Variants in KIDINS220 observed in about 807,000 individuals in gnomAD.
The protein encoded by KIDINS220 is kinase D interacting substrate 220, also known as kinase D-interacting substrate of 220 kDa.
KIDINS220 carries 63 observed loss-of-function variants against 157.6 expected under a neutral mutation model. That is an observed-to-expected ratio of 0.40 (90% CI 0.33 to 0.49). The LOEUF is 0.49. KIDINS220 is among the 20% of genes least tolerant of loss of function. The probability of loss-of-function intolerance (pLI) is 0.66; values close to 1 mark genes in which losing one functional copy is unlikely to be tolerated. For missense variants in KIDINS220, 1,772 were observed against 2,171.2 expected (o/e 0.82, Z 3.65); for synonymous variants, 732 against 783.6 (o/e 0.93, Z 1.10).
chr2:8,788,205 T>C (rs1439974641), intron 15 of KIDINS220, among the ~76,000 whole-genome samples: 4 of 152,240 alleles, frequency 2.6e-5, no homozygotes, highest in Non-Finnish European at 5.9e-5. Context: ...GGGCATGTTT[T>C]TATTTCTGTA....
At chr2:8,836,696 T>C (rs1472728804) in intron 1 of KIDINS220, among the ~76,000 whole-genome samples, 1 of 150,068 alleles carries the variant, frequency 6.7e-6, no homozygotes, top group Non-Finnish European at 1.5e-5. Context: ...AGATGTCTGG[T>C]CCTCAGTGTT....
intron 26 of KIDINS220, among the ~76,000 whole-genome samples, chr2:8,738,649 A>G (rs1665216654): frequency 6.6e-6 from 1 of 152,248 alleles, no homozygotes; most frequent in Non-Finnish European, 1.5e-5. Context: ...ATAACTAACC[A>G]GTATTCCTTA....
At position 8,750,131 on chromosome 2, in the gene KIDINS220, T is replaced by G. The variant is rs1035641863; in HGVS notation, c.3395A>C (p.Gln1132Pro). ...SSYYSGMTGP[Q>P]HPFYNRPFFA... ...CCTTACCCTGTTGTAGAAGGGATGC[T>G]GAGGGCCCGTCATGCCGCTGTAATA... The change falls in exon 24 of 30, where the codon CAG (glutamine) becomes CCG (proline). Residue 1132 changes from glutamine (Q) to proline (P), a missense_variant. By Grantham distance (76) the Gln-to-Pro change is moderately conservative. Around this residue, in one of 3 missense-constraint regions of KIDINS220, gnomAD observed 793 missense variants for 885.5 expected, o/e 0.90. Coordinates refer to ENST00000256707, the MANE Select transcript of KIDINS220 (RefSeq NM_020738.4). The G allele has an allele frequency of 6.2e-7, 1 of 1,614,006 alleles. No homozygotes were observed. Among genetic ancestry groups the G allele is most frequent in the African/African-American group, 1.3e-5 (1 of 74,922 alleles).
At chr2:8,732,624 A>C (rs1664283624) in intron 29 of KIDINS220, among the ~76,000 whole-genome samples, 1 of 152,256 alleles carries the variant, frequency 6.6e-6, no homozygotes, top group Non-Finnish European at 1.5e-5. Context: ...GAGGAAAAAG[A>C]AGGAGAAGAA....
chr2:8,765,707 T>A (rs187684729), intron 22 of KIDINS220, among the ~76,000 whole-genome samples: 4 of 152,264 alleles, frequency 2.6e-5, no homozygotes, highest in African/African-American at 9.6e-5. Flanking sequence ...TTTTATTATC[T>A]TTAAAAGACA....
intron 7 of KIDINS220, 140 bp downstream of exon 7, chr2:8,806,131 C>G: frequency 1.6e-6 from 1 of 643,632 alleles, no homozygotes. Flanking sequence ...CTTAGAGTAA[C>G]AGGAAATGCT....
chr2:8,725,452 C>G (rs1663222932), downstream of KIDINS220: 1 of 152,166 alleles, frequency 6.6e-6, no homozygotes, highest in Non-Finnish European at 1.5e-5. Context: ...AATTCTACAA[C>G]TACTAAGAAC....
chr2:8,825,457 G>A (rs1309177890), intron 2 of KIDINS220, among the ~76,000 whole-genome samples: 1 of 151,278 alleles, frequency 6.6e-6, no homozygotes, highest in African/African-American at 2.4e-5. Flanking sequence ...CTTAAAAATG[G>A]TTAAGATAGT....
intron 11 of KIDINS220, among the ~76,000 whole-genome samples, chr2:8,795,309 T>C (rs1673755579): frequency 6.6e-6 from 1 of 152,192 alleles, no homozygotes; most frequent in Admixed American, 6.5e-5. Flanking sequence ...TATTTTCCCA[T>C]CTCAATTCCA....
downstream of KIDINS220, chr2:8,723,891 A>C (rs895011684): frequency 6.6e-6 from 1 of 152,228 alleles, no homozygotes; most frequent in Non-Finnish European, 1.5e-5. Context: ...TGCACTTTAA[A>C]ATGATGGAGC....
At chr2:8,777,067 T>G (rs1012950938) in intron 20 of KIDINS220, among the ~76,000 whole-genome samples, 175 bp from the exon 21 acceptor site, 4 of 152,218 alleles carry the variant, frequency 2.6e-5, no homozygotes, top group African/African-American at 9.6e-5. Flanking sequence ...GTAAAGCAAT[T>G]GTAAAGTCAT....
At chr2:8,835,269 T>C (rs1242408964) in intron 1 of KIDINS220, among the ~76,000 whole-genome samples, 1 of 152,196 alleles carries the variant, frequency 6.6e-6, no homozygotes, top group Admixed American at 6.5e-5. Context: ...TGCATAGGTA[T>C]GCTAAAGATA....
At chr2:8,749,585 A>G (rs890990534) in intron 24 of KIDINS220, among the ~76,000 whole-genome samples, 1 of 152,224 alleles carries the variant, frequency 6.6e-6, no homozygotes, top group Non-Finnish European at 1.5e-5. Flanking sequence ...GACTGAAGAT[A>G]ACTTGACATA....
chr2:8,769,754 G>A (rs1055766774), intron 22 of KIDINS220, among the ~76,000 whole-genome samples: 4 of 152,030 alleles, frequency 2.6e-5, no homozygotes, highest in East Asian at 1.9e-4. Flanking sequence ...AGAGAAAAAC[G>A]AATCATGCAT....
rs1664093812 is a variant in KIDINS220, at chr2:8,731,535, T to C, written c.4501A>G (p.Ser1501Gly). Residue 1501 changes from serine to glycine, a missense_variant, in exon 30 of 30, where the codon AGC becomes GGC. Around this residue, in one of 3 missense-constraint regions of KIDINS220, gnomAD observed 793 missense variants for 885.5 expected, o/e 0.90. Coordinates refer to ENST00000256707, the MANE Select transcript of KIDINS220 (RefSeq NM_020738.4). The surrounding 1 kb of genome is among the most constrained non-coding windows in gnomAD (Gnocchi z 5.2). ...AGCTTCAAATCTGTCTGGAAGAGGC[T>C]TGACCTTTCGGAAGATTTCTTGCCT... ...LPGKKSSERS[S>G]LFQTDLKLKG... 3.1e-6 allele frequency: 5 copies of C among 1,614,104 alleles called. No individual in the cohort carries two copies. The highest frequency in any genetic ancestry group is 1.3e-5 in the African/African-American group (1 of 74,932).
At chr2:8,817,332 A>C (rs1344553867) in intron 4 of KIDINS220, among the ~76,000 whole-genome samples, 1 of 152,240 alleles carries the variant, frequency 6.6e-6, no homozygotes, top group Non-Finnish European at 1.5e-5. Context: ...CAACTGTCTC[A>C]GAAGTTCCAA....
chr2:8,799,147 C>T (rs908825600), intron 9 of KIDINS220, among the ~76,000 whole-genome samples: 2 of 152,126 alleles, frequency 1.3e-5, no homozygotes, highest in African/African-American at 4.8e-5. Context: ...TGCCTACCAT[C>T]CCACTGCCCA....
intron 8 of KIDINS220, among the ~76,000 whole-genome samples, chr2:8,801,501 C>T (rs529366553): frequency 8.5e-5 from 13 of 152,304 alleles, no homozygotes; most frequent in Admixed American, 3.9e-4. Flanking sequence ...ACAAGACAGA[C>T]GCGGTCCTAC....
In KIDINS220 at chr2:8,836,196, G is replaced by A. The variant is rs1382543807; in HGVS notation, c.-37+1284C>T. Among the ~76,000 whole-genome samples the A allele has an allele frequency of 8.6e-5, 13 of 150,752 alleles. No individual in the cohort carries two copies. The East Asian group carries it at 1.8e-3, about 20-fold the overall frequency. ...GCATAGGTGACTGAAGAATGGAGCT[G>A]CCCTTAACCAAAAAAAAAAAAGCAG... On this transcript the variant is annotated intron_variant, in intron 1 of 29. Coordinates refer to ENST00000256707, the MANE Select transcript of KIDINS220 (RefSeq NM_020738.4).
Sources: gnomAD v4.1 joint callset for allele counts (sites outside exome capture counted in the v4.1 genomes callset) on GRCh38, gnomAD v4.1.1 for gene constraint, gnomAD v4.1.1 regional missense constraint, Gnocchi (gnomAD v3.1) non-coding constraint, MANE v1.5 for transcripts, NCBI Gene and HGNC (gene_info 2026-07-23, HGNC 2026-07-21) for gene names.